Variants in WNT3 observed in about 807,000 individuals in gnomAD.
WNT3 encodes proto-oncogene Wnt-3.
In WNT3, 7 loss-of-function variants were observed where a neutral mutation model predicts 34.2. The observed-to-expected ratio is 0.20, with a 90% CI of 0.12 to 0.38. The LOEUF (loss-of-function observed/expected upper bound fraction) is 0.38, where lower values mean the gene tolerates loss of function less well. Ranked by LOEUF, WNT3 falls within the 10% of genes least tolerant of loss-of-function variation. WNT3 has a pLI of 1.00. For missense variants in WNT3, 267 were observed against 499.8 expected, an observed-to-expected ratio of 0.53 and a Z score of 4.44; for synonymous variants, 212 against 211.5, an observed-to-expected ratio of 1.00 and a Z score of -0.02.
intron 4 of WNT3, among the ~76,000 whole-genome samples, chr17:46,767,445 C>CT (rs1262256107): frequency 1.3e-5 from 2 of 152,168 alleles, no homozygotes; most frequent in African/African-American, 2.4e-5. Context: ...AACTTGCCCT[C>CT]TAAGTTCAAG....
At chr17:46,794,637 G>A (rs562916590) in intron 1 of WNT3, among the ~76,000 whole-genome samples, 4 of 152,034 alleles carry the variant, frequency 2.6e-5, no homozygotes, top group Admixed American at 2.6e-4. Context: ...TCAAACTTTC[G>A]ACAGTCCTAT....
intron 4 of WNT3, among the ~76,000 whole-genome samples, chr17:46,767,037 C>A (rs1235415989): frequency 6.6e-6 from 1 of 152,122 alleles, no homozygotes; most frequent in African/African-American, 2.4e-5. Flanking sequence ...AATTCCAACA[C>A]CCATGCTCAT....
intron 1 of WNT3, among the ~76,000 whole-genome samples, chr17:46,808,396 C>G (rs1349923313): frequency 6.6e-6 from 1 of 152,232 alleles, no homozygotes; most frequent in African/African-American, 2.4e-5. Context: ...CAAGTGTAAA[C>G]TTGTCTCAAA....
Position 46,768,858 on chromosome 17 carries a change from GC to G in WNT3, c.589-60del, listed in dbSNP as rs2059337619. The G allele has an allele frequency of 6.9e-6, 11 of 1,585,564 alleles. No homozygotes were observed. Among genetic ancestry groups the G allele is most frequent in the Non-Finnish European group, 9.4e-6 (11 of 1,168,882 alleles). On this transcript the variant is annotated intron_variant, in intron 3 of 4. Transcript: ENST00000225512. The surrounding 1 kb of genome is among the most constrained non-coding windows in gnomAD (Gnocchi z 5.0). ...CGACCCCACGAGGGGGCACATCCAG[GC>G]CTTCCCTCTCTGCCACTGCCCACCC...
chr17:46,796,570 G>A (rs1008474356), intron 1 of WNT3, among the ~76,000 whole-genome samples: 1 of 152,204 alleles, frequency 6.6e-6, no homozygotes, highest in Admixed American at 6.5e-5. Context: ...TGTCCCACTC[G>A]GGGCACACAG....
intron 2 of WNT3, among the ~76,000 whole-genome samples, chr17:46,772,099 G>A (rs2059379340): frequency 6.6e-6 from 1 of 152,154 alleles, no homozygotes; most frequent in African/African-American, 2.4e-5. Flanking sequence ...ACTCGCCGGG[G>A]GCGGGGTGCA....
intron 4 of WNT3, among the ~76,000 whole-genome samples, chr17:46,765,804 G>C (rs1483385332): frequency 6.6e-6 from 1 of 152,194 alleles, no homozygotes; most frequent in Non-Finnish European, 1.5e-5. Flanking sequence ...TCATGTGCAG[G>C]GTCTCCAGTC....
chr17:46,810,628 C>T (rs1161584404), intron 1 of WNT3, among the ~76,000 whole-genome samples: 1 of 152,130 alleles, frequency 6.6e-6, no homozygotes, highest in Non-Finnish European at 1.5e-5. Context: ...TCTCACAGCT[C>T]TTTGTGTGTA....
chr17:46,788,781 C>T (rs1466604310), intron 1 of WNT3, among the ~76,000 whole-genome samples: 2 of 151,948 alleles, frequency 1.3e-5, no homozygotes, highest in South Asian at 4.2e-4. Flanking sequence ...CCTTTCCCTG[C>T]CCTCAGCAGC....
intron 1 of WNT3, among the ~76,000 whole-genome samples, chr17:46,806,080 C>T (rs545698370): frequency 1.3e-5 from 2 of 152,188 alleles, no homozygotes; most frequent in East Asian, 1.9e-4. Context: ...ATGTGATACC[C>T]GGGACATCAT....
intron 3 of WNT3, among the ~76,000 whole-genome samples, chr17:46,769,045 G>A (rs1162397084): frequency 1.3e-5 from 2 of 152,224 alleles, no homozygotes. Flanking sequence ...ACGAGTTGTT[G>A]CCCAGGCGCG....
rs529002897 is a variant in WNT3, at chr17:46,768,218, A to C, written c.*8+94T>G. ...ACTTGTGTGTCTTGGATAGCTTAGA[A>C]ACAGAAGGGGGTCGTCAAGAAGACG... On this transcript the variant is annotated intron_variant, in intron 4 of 4. Transcript: ENST00000225512. The surrounding 1 kb of genome is among the most constrained non-coding windows in gnomAD (Gnocchi z 5.0). 1 of 1,561,948 alleles carries C rather than the reference A, an allele frequency of 6.4e-7. No homozygotes were observed. Among genetic ancestry groups the C allele is most frequent in the African/African-American group, 1.4e-5 (1 of 74,024 alleles).
rs534205720 is a variant in WNT3 at position 46,804,499 on chromosome 17, C to A, written c.80+14019G>T. ...TGGGGAAGGGAAGTGCTGTAAGACA[C>A]CAGACGGAAGCCTCTAAATCAGAGA... On this transcript the variant is annotated intron_variant, in intron 1 of 4. Coordinates refer to ENST00000225512, the MANE Select transcript of WNT3 (RefSeq NM_030753.5). 3.9e-5 allele frequency among the ~76,000 whole-genome samples: 6 copies of A among 152,158 alleles called. No homozygotes were observed. In the South Asian group the frequency reaches 1.2e-3, roughly 31 times the overall value.
At chr17:46,775,037 C>T (rs760170248) in intron 1 of WNT3, among the ~76,000 whole-genome samples, 9 of 152,098 alleles carry the variant, frequency 5.9e-5, no homozygotes, top group Non-Finnish European at 1.0e-4. Flanking sequence ...GCAAAAGCCT[C>T]GGAAAGAGGG....
chr17:46,775,848 C>A (rs906410882), intron 1 of WNT3, among the ~76,000 whole-genome samples: 1 of 151,958 alleles, frequency 6.6e-6, no homozygotes, highest in Non-Finnish European at 1.5e-5. Context: ...CTCCTGACCT[C>A]GTGATCCACA....
At chr17:46,770,853 A>C (rs1742189209) in intron 2 of WNT3, among the ~76,000 whole-genome samples, 1 of 151,982 alleles carries the variant, frequency 6.6e-6, no homozygotes, top group African/African-American at 2.4e-5. Context: ...GGAAAGTTTT[A>C]CTCATTTTAT....
chr17:46,784,921 A>G (rs554008287), intron 1 of WNT3, among the ~76,000 whole-genome samples: 60 of 151,254 alleles, frequency 4.0e-4, no homozygotes, highest in East Asian at 1.8e-3. Flanking sequence ...GACTACAGGC[A>G]CCCGCCACCA....
At position 46,762,541 on chromosome 17, in the gene WNT3, C is replaced by A. The variant is rs1363489983; in HGVS notation, c.*2089G>T. Reference sequence around the variant, plus strand: ...GTTTACCTTCTCTTTAATGACTTAACAGAAAAAAACTGCATGATGAAATAT... The same window carrying A: ...GTTTACCTTCTCTTTAATGACTTAAAAGAAAAAAACTGCATGATGAAATAT... On this transcript the variant is annotated 3_prime_UTR_variant, in exon 5 of 5. Coordinates refer to ENST00000225512, the MANE Select transcript of WNT3 (RefSeq NM_030753.5). The A allele has an allele frequency of 6.6e-6, 1 of 150,608 alleles. No individual in the cohort carries two copies. The highest frequency in any genetic ancestry group is 1.5e-5 in the Non-Finnish European group (1 of 67,798). 9.3% of individuals were successfully genotyped at this position (150,608 alleles called of 1,614,324 possible).
intron 1 of WNT3, among the ~76,000 whole-genome samples, chr17:46,818,190 A>G (rs1211681928): frequency 6.6e-6 from 1 of 152,086 alleles, no homozygotes; most frequent in Non-Finnish European, 1.5e-5. Context: ...CAGAAACCCA[A>G]CTGCAAGCAA....
Sources: allele counts gnomAD v4.1 joint callset (sites outside exome capture counted in the v4.1 genomes callset), GRCh38; gene constraint gnomAD v4.1.1; non-coding constraint Gnocchi (gnomAD v3.1); transcripts MANE v1.5; gene names NCBI Gene and HGNC (gene_info 2026-07-23, HGNC 2026-07-21).